CADPS2: variants seen among roughly 807,000 people sequenced by gnomAD.
CADPS2 encodes the protein calcium-dependent secretion activator 2.
In CADPS2, 93 loss-of-function variants were observed where a neutral mutation model predicts 172.5. The ratio of observed to expected loss-of-function variants is 0.54; its 90% confidence interval spans 0.46 to 0.64. CADPS2 has a LOEUF of 0.64. Among genes scored for constraint, CADPS2 ranks in the 30% least tolerant of loss-of-function variants. The pLI, the probability that CADPS2 is intolerant of heterozygous loss-of-function variation, is 0.00. For synonymous variants in CADPS2, 546 were observed against 555.2 expected (o/e 0.98, Z 0.23); for missense variants, 1,420 against 1,565.9 (o/e 0.91, Z 1.57).
intron 1 of CADPS2, among the ~76,000 whole-genome samples, chr7:122,838,321 T>C (rs1809239529): frequency 6.6e-6 from 1 of 152,182 alleles, no homozygotes; most frequent in Admixed American, 6.5e-5. Context: ...ACAGCCAATA[T>C]TATACTGAAT....
At chr7:122,531,559 A>G (rs1015978478) in intron 8 of CADPS2, among the ~76,000 whole-genome samples, 20 of 152,332 alleles carry the variant, frequency 1.3e-4, no homozygotes, top group African/African-American at 4.6e-4. Flanking sequence ...CTTACAGATA[A>G]GAATTCTAAG....
intron 20 of CADPS2, among the ~76,000 whole-genome samples, chr7:122,406,727 G>A (rs1401576613): frequency 6.6e-6 from 1 of 152,192 alleles, no homozygotes; most frequent in Non-Finnish European, 1.5e-5. Context: ...CAAAGAGAAT[G>A]GGTCAGAACC....
At chr7:122,484,488 T>C (rs2057605015) in intron 11 of CADPS2, among the ~76,000 whole-genome samples, 1 of 142,628 alleles carries the variant, frequency 7.0e-6, no homozygotes, top group African/African-American at 2.7e-5. Flanking sequence ...TCTCACCATA[T>C]ATAAAAATTA....
chr7:122,747,230 A>T (rs1357559390), intron 1 of CADPS2, among the ~76,000 whole-genome samples: 1 of 152,086 alleles, frequency 6.6e-6, no homozygotes, highest in East Asian at 1.9e-4. Flanking sequence ...ACCCACTAAG[A>T]TCTGACAAAA....
Position 122,554,579 on chromosome 7 carries a change from C to A in CADPS2, c.1446G>T (p.Met482Ile). ...SDLKIKLAVR[M>I]DKPAHMKHSG... is the part of the protein sequence containing the mutation. ...TATGCTTCATATGTGCTGGTTTATC[C>A]ATTCGCACTGCCAGTTTGATTTTTA... The change falls in exon 8 of 30, where the codon ATG becomes ATT. Residue 482 changes from methionine (M) to isoleucine (I), a missense_variant. Physicochemically the swap from Met to Ile is conservative, Grantham distance 10. Transcript: ENST00000449022. 6.2e-7 allele frequency: 1 copy of A among 1,610,836 alleles called. No homozygotes were observed. Among genetic ancestry groups the A allele is most frequent in the Non-Finnish European group, 8.5e-7 (1 of 1,178,418 alleles).
chr7:122,352,445 G>A (rs184101198), intron 27 of CADPS2, among the ~76,000 whole-genome samples: 78 of 152,314 alleles, frequency 5.1e-4, no homozygotes, highest in African/African-American at 1.9e-3. Flanking sequence ...GACTCAGGGT[G>A]CTAGAATTCC....
At chr7:122,856,353 C>A (rs986828297) in intron 1 of CADPS2, among the ~76,000 whole-genome samples, 19 of 152,162 alleles carry the variant, frequency 1.2e-4, no homozygotes, top group Non-Finnish European at 1.9e-4. Context: ...TCCAAGGAAT[C>A]ATCTCTAAAT....
At chr7:122,577,320 CCT>C (rs1587505052) in intron 7 of CADPS2, among the ~76,000 whole-genome samples, 1 of 152,058 alleles carries the variant, frequency 6.6e-6, no homozygotes, top group East Asian at 1.9e-4. Context: ...CTAAAAGTCC[CCT>C]GTGTACCCCT....
chr7:122,363,586 C>T (rs923761242), intron 25 of CADPS2, among the ~76,000 whole-genome samples: 4 of 151,584 alleles, frequency 2.6e-5, no homozygotes, highest in African/African-American at 9.7e-5. Flanking sequence ...TGTCTGGCTA[C>T]GAGATAAATG....
At chr7:122,438,224 T>C (rs1374860338) in intron 17 of CADPS2, 117 bp downstream of exon 17, 50 of 1,296,260 alleles carry the variant, frequency 3.9e-5, no homozygotes, top group Admixed American at 1.9e-5. Flanking sequence ...TAATGAGACA[T>C]TTCCCTTTGC....
At chr7:122,343,235 A>C (rs2037054432) in intron 28 of CADPS2, among the ~76,000 whole-genome samples, 2 of 152,198 alleles carry the variant, frequency 1.3e-5, no homozygotes, top group South Asian at 4.1e-4. Flanking sequence ...TAAGGACACT[A>C]CAATTATTTT....
intron 2 of CADPS2, among the ~76,000 whole-genome samples, chr7:122,723,965 G>A (rs2137212174): frequency 6.7e-6 from 1 of 149,020 alleles, no homozygotes; most frequent in South Asian, 2.2e-4. Flanking sequence ...ACTCATAGGT[G>A]AGAACTGAAC....
intron 1 of CADPS2, among the ~76,000 whole-genome samples, chr7:122,781,646 A>G (rs959144493): frequency 1.3e-5 from 2 of 152,100 alleles, no homozygotes; most frequent in African/African-American, 2.4e-5. Flanking sequence ...TTCCTAATCA[A>G]TTGTCACCAT....
chr7:122,803,677 ATTC>A (rs1464337386), intron 1 of CADPS2, among the ~76,000 whole-genome samples: 2 of 152,174 alleles, frequency 1.3e-5, no homozygotes, highest in Non-Finnish European at 2.9e-5. Context: ...AATTTATAGT[ATTC>A]TTTGATGGTA....
At chr7:122,357,830 T>C (rs550397314) in intron 27 of CADPS2, among the ~76,000 whole-genome samples, 1 of 152,316 alleles carries the variant, frequency 6.6e-6, no homozygotes, top group African/African-American at 2.4e-5. Context: ...TTTTGCTGAA[T>C]AGAATTACAT....
chr7:122,585,859 G>T (rs1185974001), intron 6 of CADPS2: 3 of 151,818 alleles, frequency 2.0e-5, no homozygotes, highest in Non-Finnish European at 4.4e-5. Flanking sequence ...TTAAATAAAG[G>T]GTACTGGAAA....
intron 17 of CADPS2, chr7:122,424,052 T>G (rs2048856062): frequency 6.6e-6 from 1 of 152,220 alleles, no homozygotes. Flanking sequence ...TGTCCACATT[T>G]GGGCAATCCT....
At chr7:122,737,487 A>G (rs2092240020) in intron 1 of CADPS2, among the ~76,000 whole-genome samples, 1 of 152,228 alleles carries the variant, frequency 6.6e-6, no homozygotes, top group African/African-American at 2.4e-5. Flanking sequence ...CTGGGATTAC[A>G]GGCATGAGCC....
At chr7:122,640,761 C>T (rs113016030) in intron 3 of CADPS2, among the ~76,000 whole-genome samples, 4 of 152,182 alleles carry the variant, frequency 2.6e-5, no homozygotes, top group African/African-American at 7.2e-5. Flanking sequence ...GAAACCACGT[C>T]TCTACTAAAA....
Sources: gnomAD v4.1 joint callset for allele counts (sites outside exome capture counted in the v4.1 genomes callset) on GRCh38, gnomAD v4.1.1 for gene constraint, MANE v1.5 for transcripts, NCBI Gene and HGNC (gene_info 2026-07-23, HGNC 2026-07-21) for gene names.